NAALADL2: variants seen among roughly 807,000 people sequenced by gnomAD.
The protein encoded by NAALADL2 is inactive N-acetylated-alpha-linked acidic dipeptidase-like protein 2.
Under a neutral mutation model 87.2 loss-of-function variants are expected in NAALADL2, and 76 were observed. The ratio of observed to expected loss-of-function variants is 0.87; its 90% confidence interval spans 0.72 to 1.05. NAALADL2 has a LOEUF of 1.05. Ranked by LOEUF, NAALADL2 falls within the 50% of genes least tolerant of loss-of-function variation. NAALADL2 has a pLI of 0.00. For synonymous variants in NAALADL2, 354 were observed against 331.0 expected (o/e 1.07, Z -0.75); for missense variants, 1,089 against 945.8 (o/e 1.15, Z -1.99).
intron 2 of NAALADL2, among the ~76,000 whole-genome samples, chr3:174,596,897 T>C (rs1448550553): frequency 2.0e-5 from 3 of 152,154 alleles, no homozygotes; most frequent in Non-Finnish European, 4.4e-5. Context: ...ATTTGAATCC[T>C]GACTGTTTGA....
At chr3:175,474,267 G>A (rs1328299526) in intron 9 of NAALADL2, among the ~76,000 whole-genome samples, 1 of 152,098 alleles carries the variant, frequency 6.6e-6, no homozygotes, top group East Asian at 1.9e-4. Flanking sequence ...TCATATAATA[G>A]ATTTAAATAC....
At chr3:174,871,832 G>T (rs558617316) in intron 1 of NAALADL2, among the ~76,000 whole-genome samples, 3 of 152,140 alleles carry the variant, frequency 2.0e-5, no homozygotes, top group African/African-American at 7.2e-5. Flanking sequence ...CTGGGAGGTG[G>T]AGGTTGCACT....
At chr3:175,363,351 C>T (rs1391734153) in intron 5 of NAALADL2, among the ~76,000 whole-genome samples, 4 of 147,272 alleles carry the variant, frequency 2.7e-5, no homozygotes, top group Admixed American at 7.0e-5. Context: ...TTGTTTATTT[C>T]GTATTATGGC....
intron 7 of NAALADL2, among the ~76,000 whole-genome samples, chr3:175,466,209 A>T (rs1013884277): frequency 2.6e-5 from 4 of 152,216 alleles, no homozygotes; most frequent in African/African-American, 9.7e-5. Flanking sequence ...ATGTATGAAG[A>T]TACTTGCTCA....
At chr3:175,333,002 A>G (rs1761569709) in intron 5 of NAALADL2, among the ~76,000 whole-genome samples, 1 of 152,112 alleles carries the variant, frequency 6.6e-6, no homozygotes, top group South Asian at 2.1e-4. Context: ...CTTTCATTCT[A>G]TATGTGTCTT....
At chr3:175,720,471 G>GA (rs1333870622) in intron 11 of NAALADL2, among the ~76,000 whole-genome samples, 1 of 151,940 alleles carries the variant, frequency 6.6e-6, no homozygotes, top group Non-Finnish European at 1.5e-5. Flanking sequence ...AAAATAAAGT[G>GA]AAAAATGAGA....
intron 2 of NAALADL2, among the ~76,000 whole-genome samples, chr3:174,735,372 A>G (rs1289724193): frequency 6.6e-6 from 1 of 152,124 alleles, no homozygotes; most frequent in Non-Finnish European, 1.5e-5. Context: ...TTTTCATTCT[A>G]ATTTTAAGGT....
At chr3:174,709,654 T>C (rs777224905) in intron 2 of NAALADL2, among the ~76,000 whole-genome samples, 1 of 152,162 alleles carries the variant, frequency 6.6e-6, no homozygotes, top group Non-Finnish European at 1.5e-5. Context: ...AAAAAATGTT[T>C]ATAGACTGGA....
chr3:175,085,256 C>G (rs9818495), intron 1 of NAALADL2, among the ~76,000 whole-genome samples: 36,147 of 151,918 alleles, frequency 0.24, 4,385 homozygotes, highest in East Asian at 0.33. Flanking sequence ...TGGTGTCGTT[C>G]TGATGTTAAC....
intron 9 of NAALADL2, among the ~76,000 whole-genome samples, chr3:175,495,337 C>T (rs1728664895): frequency 6.6e-6 from 1 of 151,950 alleles, no homozygotes. Context: ...AGGCTCACTC[C>T]ATCCTGCACT....
intron 2 of NAALADL2, among the ~76,000 whole-genome samples, chr3:175,169,677 C>G (rs974719576): frequency 1.3e-5 from 2 of 151,656 alleles, no homozygotes; most frequent in African/African-American, 4.8e-5. Context: ...GTCCGTGATG[C>G]ATCCCTTGTC....
chr3:175,296,250 G>A (rs1243617217), intron 4 of NAALADL2, among the ~76,000 whole-genome samples: 1 of 152,086 alleles, frequency 6.6e-6, no homozygotes, highest in Non-Finnish European at 1.5e-5. Context: ...ATGGCCAGGG[G>A]AGGGGATCCT....
At chr3:174,620,444 TG>T (rs947875644) in intron 2 of NAALADL2, among the ~76,000 whole-genome samples, 16 of 66,924 alleles carry the variant, frequency 2.4e-4, no homozygotes, top group African/African-American at 5.3e-4. Context: ...TGTTTTGTTT[TG>T]TTTTTTTCAA....
intron 2 of NAALADL2, among the ~76,000 whole-genome samples, chr3:174,618,453 A>G (rs929255422): frequency 4.6e-5 from 7 of 151,722 alleles, no homozygotes; most frequent in African/African-American, 1.7e-4. Context: ...TATTCTAAAC[A>G]TAGGTAAGAT....
chr3:175,366,327 A>G (rs1765560581), intron 5 of NAALADL2, among the ~76,000 whole-genome samples: 1 of 151,726 alleles, frequency 6.6e-6, no homozygotes, highest in Admixed American at 6.6e-5. Context: ...ATACGTGTGC[A>G]TGTGTCTTTA....
At chr3:175,098,494 A>T (rs1467592760) in intron 2 of NAALADL2, among the ~76,000 whole-genome samples, 1 of 152,156 alleles carries the variant, frequency 6.6e-6, no homozygotes. Flanking sequence ...GTCTGTGCAC[A>T]CAAGGGCAGA....
intron 9 of NAALADL2, among the ~76,000 whole-genome samples, chr3:175,564,669 G>A (rs1716821918): frequency 6.6e-6 from 1 of 152,154 alleles, no homozygotes; most frequent in African/African-American, 2.4e-5. Flanking sequence ...CCTTCACTGA[G>A]ACATAAAATC....
At chr3:174,503,492 A>G (rs934785127) in intron 1 of NAALADL2, among the ~76,000 whole-genome samples, 1 of 152,166 alleles carries the variant, frequency 6.6e-6, no homozygotes, top group Non-Finnish European at 1.5e-5. Flanking sequence ...ATCTGACTTA[A>G]TGTACTTTAC....
At chr3:175,109,289 T>C (rs1349930364) in intron 2 of NAALADL2, among the ~76,000 whole-genome samples, 1 of 151,858 alleles carries the variant, frequency 6.6e-6, no homozygotes, top group Non-Finnish European at 1.5e-5. Flanking sequence ...CCTGATAGCC[T>C]ATCATCGCAA....
Sources: gnomAD v4.1 joint callset for allele counts (sites outside exome capture counted in the v4.1 genomes callset) on GRCh38, gnomAD v4.1.1 for gene constraint, MANE v1.5 for transcripts, NCBI Gene and HGNC (gene_info 2026-07-23, HGNC 2026-07-21) for gene names.